ANKRD50: variants seen among roughly 807,000 people sequenced by gnomAD.
ANKRD50 encodes the protein ankyrin repeat domain-containing protein 50.
ANKRD50 carries 40 observed loss-of-function variants against 112.0 expected under a neutral mutation model. The observed-to-expected ratio is 0.36, with a 90% confidence interval of 0.28 to 0.46. ANKRD50 has a LOEUF of 0.46. Ranked by LOEUF, ANKRD50 falls within the 20% of genes least tolerant of loss-of-function variation. ANKRD50 has a pLI of 1.00. For missense variants in ANKRD50, 1,487 were observed against 1,701.7 expected, an observed-to-expected ratio of 0.87 and a Z score of 2.22; for synonymous variants, 613 against 619.1, an observed-to-expected ratio of 0.99 and a Z score of 0.15.
rs1005927100 is a variant in ANKRD50, at chr4:124,710,830, T to A, written c.-319A>T. 2 of 435,774 alleles carry A rather than the reference T, an allele frequency of 4.6e-6. No individual in the cohort carries two copies. The highest frequency in any genetic ancestry group is 4.0e-5 in the African/African-American group (2 of 50,610). The allele number at this position is 435,774 out of a possible 1,614,324, so 27.0% of individuals were successfully genotyped here. The stretch of plus-strand genomic sequence containing the variant: ...ACTGGAGTTTATGTGATTGTGGATG[T>A]TTCAAGAACAGAGATGAGACAATAC... On this transcript the variant is annotated 5_prime_UTR_variant, in exon 2 of 5. Coordinates refer to ENST00000504087, the MANE Select transcript of ANKRD50 (RefSeq NM_020337.3).
chr4:124,671,969 C>T lies in ANKRD50; in HGVS notation c.1308G>A (p.Leu436=). The T allele has an allele frequency of 6.2e-7, 1 of 1,613,872 alleles. No individual in the cohort carries two copies. The highest frequency in any genetic ancestry group is 1.1e-5 in the South Asian group (1 of 91,080). ...TGGCTTGACAGGTATAACTCATAGC[C>T]AACATTCTGTGTCCTTCTGCTGCAT... ...LCNAAEGHRM[L]AMSYTCQAKN... is the part of the protein sequence containing the mutation. Residue 436 remains leucine (L), a synonymous_variant, in exon 4 of 5, where the codon TTG becomes TTA. Transcript: ENST00000504087.
Position 124,666,637 on chromosome 4 carries a change from T to C in ANKRD50, c.*881A>G, listed in dbSNP as rs567238361. ...CAGGGATCAAAAATCTACCCTTAGA[T>C]AGACAGGTGCATTTCTCTCTGCACA... is the stretch of plus-strand genomic sequence containing the variant. On this transcript the variant is annotated 3_prime_UTR_variant, in exon 5 of 5. Coordinates refer to ENST00000504087, the MANE Select transcript of ANKRD50 (RefSeq NM_020337.3). The C allele has an allele frequency of 3.9e-5, 6 of 152,540 alleles. No homozygotes were observed. The highest frequency in any genetic ancestry group is 4.1e-4 in the South Asian group (2 of 4,830). 9.4% of individuals were successfully genotyped at this position (152,540 alleles called of 1,614,324 possible). A position where few individuals can be genotyped will look rare whatever the true frequency, so the allele number is the denominator to read the frequency against.
In ANKRD50 at chr4:124,672,070, T is replaced by C. The variant is rs891434226; in HGVS notation, c.1207A>G (p.Thr403Ala). The change falls in exon 4 of 5, where the codon ACA (threonine) becomes GCA (alanine). Residue 403 changes from threonine (T) to alanine (A), a missense_variant. Thr to Ala is a moderately conservative substitution (Grantham distance 58). Coordinates refer to ENST00000504087, the MANE Select transcript of ANKRD50 (RefSeq NM_020337.3). ...SKLLVDGLGN[T>A]KILFHYSFAE... ...AAACTATAATGAAACAGTATTTTTG[T>C]ATTTCCTAGTCCATCAACAAGAAGT... is the stretch of plus-strand genomic sequence containing the variant. 5 of 1,613,800 alleles carry C rather than the reference T, an allele frequency of 3.1e-6. No homozygotes were observed. Among genetic ancestry groups the C allele is most frequent in the Non-Finnish European group, 4.2e-6 (5 of 1,179,888 alleles).
intron 2 of ANKRD50, among the ~76,000 whole-genome samples, chr4:124,685,589 C>A (rs1724987694): frequency 6.6e-6 from 1 of 151,988 alleles, no homozygotes; most frequent in Admixed American, 6.6e-5. Flanking sequence ...TATTATTATT[C>A]CAAATGAGAT....
chr4:124,700,396 T>A (rs78175668), intron 2 of ANKRD50, among the ~76,000 whole-genome samples: 1,953 of 152,282 alleles, frequency 0.013, 19 homozygotes, highest in South Asian at 0.031. Flanking sequence ...AATTTTGCTT[T>A]GTGAAAATAA....
rs1330777412 is a variant in ANKRD50 at position 124,670,376 on chromosome 4, T to A, written c.2901A>T (p.Glu967Asp). The A allele has an allele frequency of 6.2e-7, 1 of 1,613,922 alleles. No individual in the cohort carries two copies. Among genetic ancestry groups the A allele is most frequent in the Admixed American group, 1.7e-5 (1 of 59,972 alleles). Residue 967 changes from glutamate (E) to aspartate (D), a missense_variant, in exon 4 of 5, where the codon GAA (glutamate) becomes GAT (aspartate). By Grantham distance (45) the Glu-to-Asp change is conservative. This residue lies in a region of ANKRD50 where 1,046 missense variants were observed against 1,269.5 expected (regional missense o/e 0.82). Transcript: ENST00000504087. The stretch of plus-strand genomic sequence containing the variant: ...CACTTGCTTCTACGTTTGCACCATT[T>A]TCTAAAAAATATTCGGCCATTGTAA... ...NQLTMAEYFL[E>D]NGANVEASDA...
rs375198280 is a variant in ANKRD50 at position 124,710,336 on chromosome 4, T to C, written c.176A>G (p.Asn59Ser). 3 of 1,614,222 alleles carry C rather than the reference T, an allele frequency of 1.9e-6. No individual in the cohort carries two copies. Among genetic ancestry groups the C allele is most frequent in the Non-Finnish European group, 2.5e-6 (3 of 1,180,038 alleles). ...NAPSLVMNSG[N>S]NASGVSGKGA... is the part of the protein sequence containing the mutation. ...CTTTCCAGAGACACCACTAGCATTA[T>C]TCCCAGAATTCATTACAAGTGATGG... The change falls in exon 2 of 5, where the codon AAT (asparagine) becomes AGT (serine). Residue 59 changes from asparagine (N) to serine (S), a missense_variant. Physicochemically the swap from Asn to Ser is conservative, Grantham distance 46. Coordinates refer to ENST00000504087, the MANE Select transcript of ANKRD50 (RefSeq NM_020337.3).
chr4:124,691,802 C>G (rs1370324289), intron 2 of ANKRD50, among the ~76,000 whole-genome samples: 2 of 152,076 alleles, frequency 1.3e-5, no homozygotes, highest in Non-Finnish European at 2.9e-5. Context: ...AAAATTAGAG[C>G]AGAAGAGAAA....
rs146232163 is a variant in ANKRD50 at position 124,687,895 on chromosome 4, A to G, written c.513-8990T>C. 3.9e-3 allele frequency among the ~76,000 whole-genome samples: 600 copies of G among 152,352 alleles called. 13 individuals carry two copies. The highest frequency in any genetic ancestry group is 8.1e-3 in the East Asian group (42 of 5,170). ...GCTGGTGCAGAGCAATGGCATAGCCATTTCCAACGGTACAACCACTTCAGA... is the reference window on the plus strand; with the variant it reads ...GCTGGTGCAGAGCAATGGCATAGCCGTTTCCAACGGTACAACCACTTCAGA... On this transcript the variant is annotated intron_variant, in intron 2 of 4. Transcript: ENST00000504087.
At chr4:124,712,078 G>A (rs1725648795) in intron 1 of ANKRD50, among the ~76,000 whole-genome samples, 1 of 152,230 alleles carries the variant, frequency 6.6e-6, no homozygotes, top group South Asian at 2.1e-4. Context: ...GGAGCCACAG[G>A]GGAGCCACCT....
rs557165315 is a variant in ANKRD50 at position 124,706,622 on chromosome 4, T to C, written c.512+3378A>G. ...TTGTGAATCTGTGAATAACTGAGAT[T>C]TTTTCATTATCAACTTTCTATAACT... On this transcript the variant is annotated intron_variant, in intron 2 of 4. Coordinates refer to ENST00000504087, the MANE Select transcript of ANKRD50 (RefSeq NM_020337.3). Among the ~76,000 whole-genome samples the C allele has an allele frequency of 6.6e-5, 10 of 152,228 alleles. No individual in the cohort carries two copies. The East Asian group carries it at 1.7e-3, about 26-fold the overall frequency.
At chr4:124,679,016 T>A in intron 2 of ANKRD50, 111 bp from the exon 3 acceptor site, 1 of 810,682 alleles carries the variant, frequency 1.2e-6, no homozygotes, top group Non-Finnish European at 1.9e-6. Flanking sequence ...TAAAATAAGG[T>A]ATTAGAACAA....
intron 2 of ANKRD50, among the ~76,000 whole-genome samples, chr4:124,709,402 A>C (rs1725578235): frequency 6.6e-6 from 1 of 152,126 alleles, no homozygotes; most frequent in Non-Finnish European, 1.5e-5. Context: ...TGTACCACTC[A>C]CTAAAAGTAA....
chr4:124,699,202 G>C (rs1227774876), intron 2 of ANKRD50, among the ~76,000 whole-genome samples: 1 of 151,496 alleles, frequency 6.6e-6, no homozygotes, highest in African/African-American at 2.4e-5. Flanking sequence ...TTTAAGTGTG[G>C]ATTGTTTGTT....
chr4:124,701,679 T>C (rs1316127151), intron 2 of ANKRD50, among the ~76,000 whole-genome samples: 1 of 152,034 alleles, frequency 6.6e-6, no homozygotes, highest in African/African-American at 2.4e-5. Flanking sequence ...TGGAACACAC[T>C]TCAAAGTGAT....
chr4:124,672,638 AATTAATACTAAT>A, intron 3 of ANKRD50, 104 bp from the exon 4 acceptor site: 1 of 780,596 alleles, frequency 1.3e-6, no homozygotes, highest in Non-Finnish European at 1.9e-6. Flanking sequence ...TCAATTAATA[AATTAATACTAAT>A]AAGCAGATCA....
At position 124,666,514 on chromosome 4, in the gene ANKRD50, C is replaced by T. The variant is rs922359367; in HGVS notation, c.*1004G>A. ...TGATTTTGAGTGGGGCTATTTTGGT[C>T]ATGCAGCAATTTACAAAATAGAAAC... On this transcript the variant is annotated 3_prime_UTR_variant, in exon 5 of 5. Transcript: ENST00000504087. 2.0e-5 allele frequency: 3 copies of T among 152,348 alleles called. No homozygotes were observed. Among genetic ancestry groups the T allele is most frequent in the African/African-American group, 4.8e-5 (2 of 41,416 alleles). The allele number at this position is 152,348 out of a possible 1,614,324, so 9.4% of individuals were successfully genotyped here. A position where few individuals can be genotyped will look rare whatever the true frequency, so the allele number is the denominator to read the frequency against.
At chr4:124,709,697 G>A (rs1467270990) in intron 2 of ANKRD50, among the ~76,000 whole-genome samples, 1 of 151,794 alleles carries the variant, frequency 6.6e-6, no homozygotes, top group East Asian at 1.9e-4. Flanking sequence ...ACAGCTAAAT[G>A]TGCTTCTCTA....
At chr4:124,683,314 A>G (rs989374647) in intron 2 of ANKRD50, among the ~76,000 whole-genome samples, 1 of 151,380 alleles carries the variant, frequency 6.6e-6, no homozygotes, top group Non-Finnish European at 1.5e-5. Context: ...ATTATATACT[A>G]TATAATAGTT....
Sources: gnomAD v4.1 joint callset for allele counts (sites outside exome capture counted in the v4.1 genomes callset) on GRCh38, gnomAD v4.1.1 for gene constraint, gnomAD v4.1.1 regional missense constraint, MANE v1.5 for transcripts, NCBI Gene and HGNC (gene_info 2026-07-23, HGNC 2026-07-21) for gene names.